The following CDK19 variants were observed in gnomAD, a reference collection of about 807,000 sequenced individuals.
CDK19 encodes cyclin dependent kinase 19, also known as cyclin-dependent kinase 19.
CDK19 carries 20 observed loss-of-function variants against 68.3 expected under a neutral mutation model. The ratio of observed to expected loss-of-function variants is 0.29; its 90% CI spans 0.21 to 0.43. The LOEUF (loss-of-function observed/expected upper bound fraction) is 0.43. Among genes scored for constraint, CDK19 ranks in the 20% least tolerant of loss-of-function variants. CDK19 has a pLI of 1.00. For synonymous variants in CDK19, 221 were observed against 222.8 expected (o/e 0.99, Z 0.07); for missense variants, 339 against 623.5 (o/e 0.54, Z 4.86).
intron 4 of CDK19, among the ~76,000 whole-genome samples, chr6:110,658,686 C>T (rs1439818298): frequency 1.3e-5 from 2 of 152,010 alleles, no homozygotes; most frequent in East Asian, 3.9e-4. Flanking sequence ...TAAATATAAA[C>T]AGGATAAAAC....
Position 110,812,812 on chromosome 6 carries a change from T to TAAAAAAA in CDK19, c.128+2190_128+2196dup, listed in dbSNP as rs66478846. Among the ~76,000 whole-genome samples, 169 of 101,594 alleles carry TAAAAAAA rather than the reference T, an allele frequency of 1.7e-3. 3 individuals carry two copies. The highest frequency in any genetic ancestry group is 2.1e-3 in the African/African-American group (59 of 28,714). 66.6% of individuals were successfully genotyped at this position (101,594 alleles called of 152,430 possible). On this transcript the variant is annotated intron_variant, in intron 1 of 12. Transcript: ENST00000368911. ...CAAATCTGCCCACTGTTTAAAACAGTAAAAAAAAAAAAAAAAAAAAATTTA... is the reference window on the plus strand; with the variant it reads ...CAAATCTGCCCACTGTTTAAAACAGTAAAAAAAAAAAAAAAAAAAAAAAAAAAATTTA...
intron 6 of CDK19, among the ~76,000 whole-genome samples, chr6:110,630,460 C>T (rs1482662356): frequency 6.6e-6 from 1 of 152,204 alleles, no homozygotes; most frequent in Non-Finnish European, 1.5e-5. Flanking sequence ...AGGGATATGA[C>T]TGTTTTCAAT....
rs531919890 is a variant in CDK19 at position 110,813,608 on chromosome 6, C to T, written c.128+1401G>A. The T allele has an allele frequency of 3.3e-5, 5 of 150,238 alleles. No individual in the cohort carries two copies. The East Asian group carries it at 6.0e-4, about 18-fold the overall frequency. The allele number at this position is 150,238 out of a possible 1,614,324, so 9.3% of individuals were successfully genotyped here. The stretch of plus-strand genomic sequence containing the variant: ...TGAGAAACAACTGAGTACCTTAAGG[C>T]CTGTTCAGTTACAAAAGAAAAAAAA... On this transcript the variant is annotated intron_variant, in intron 1 of 12. Coordinates refer to ENST00000368911, the MANE Select transcript of CDK19 (RefSeq NM_015076.5).
intron 1 of CDK19, among the ~76,000 whole-genome samples, chr6:110,751,453 C>T (rs1041363607): frequency 1.3e-5 from 2 of 152,082 alleles, no homozygotes; most frequent in African/African-American, 4.8e-5. Flanking sequence ...CCATCACCCC[C>T]AGATGGGACC....
At chr6:110,768,615 T>C (rs1216978275) in intron 1 of CDK19, among the ~76,000 whole-genome samples, 1 of 152,064 alleles carries the variant, frequency 6.6e-6, no homozygotes, top group Non-Finnish European at 1.5e-5. Context: ...TATTACAAAG[T>C]GCAAGAAGCC....
In CDK19 at chr6:110,670,480, CTG is replaced by C. The variant is rs1770900788; in HGVS notation, c.264_265del (p.His88GlnfsTer2). Reference sequence around the variant, plus strand: ...AAACAGCAGCCATACCTTCCTGTCACTGTGAGAAAGGAACACCTTCTGCAATG... The same window carrying C: ...AAACAGCAGCCATACCTTCCTGTCACTGAGAAAGGAACACCTTCTGCAATG... On this transcript the variant is annotated frameshift_variant, in exon 3 of 13. Transcript: ENST00000368911. LOFTEE classifies it high-confidence loss of function. 6.2e-7 allele frequency: 1 copy of C among 1,613,322 alleles called. No individual in the cohort carries two copies. The highest frequency in any genetic ancestry group is 1.3e-5 in the African/African-American group (1 of 74,898).
At chr6:110,761,540 T>G (rs1779231140) in intron 1 of CDK19, among the ~76,000 whole-genome samples, 1 of 152,162 alleles carries the variant, frequency 6.6e-6, no homozygotes, top group Non-Finnish European at 1.5e-5. Context: ...GGGCAAGTTT[T>G]AAATAAGTTG....
At chr6:110,769,338 G>T (rs953484458) in intron 1 of CDK19, among the ~76,000 whole-genome samples, 1 of 151,818 alleles carries the variant, frequency 6.6e-6, no homozygotes, top group African/African-American at 2.4e-5. Context: ...GCTGAGGCAG[G>T]TGGATCATCT....
intron 1 of CDK19, among the ~76,000 whole-genome samples, chr6:110,794,076 C>T (rs949914503): frequency 6.6e-6 from 1 of 152,090 alleles, no homozygotes. Context: ...GATGGAGTCT[C>T]GCTCTGTCAC....
chr6:110,684,121 A>G (rs1399869493), intron 2 of CDK19, among the ~76,000 whole-genome samples: 1 of 152,088 alleles, frequency 6.6e-6, no homozygotes, highest in Admixed American at 6.6e-5. Context: ...ACAAACTAAA[A>G]CAAAGAGTTT....
At chr6:110,785,740 G>A (rs970485709) in intron 1 of CDK19, among the ~76,000 whole-genome samples, 2 of 152,068 alleles carry the variant, frequency 1.3e-5, no homozygotes, top group African/African-American at 2.4e-5. Context: ...CAGTACTTTG[G>A]GAGGCCAAGG....
At chr6:110,743,192 CAT>C (rs1172752149) in intron 2 of CDK19, among the ~76,000 whole-genome samples, 4 of 152,162 alleles carry the variant, frequency 2.6e-5, no homozygotes, top group African/African-American at 4.8e-5. Context: ...ATGTATAAGA[CAT>C]ATGTGCACAG....
intron 4 of CDK19, among the ~76,000 whole-genome samples, chr6:110,660,421 C>T (rs1014350063): frequency 4.6e-5 from 7 of 152,132 alleles, no homozygotes; most frequent in Admixed American, 1.3e-4. Context: ...TTTAGCTTTG[C>T]CATCTGTAGA....
intron 1 of CDK19, among the ~76,000 whole-genome samples, chr6:110,766,436 G>A (rs1269580726): frequency 6.6e-6 from 1 of 151,966 alleles, no homozygotes; most frequent in Admixed American, 6.5e-5. Context: ...AAATTATCTG[G>A]GTGTGGTGGC....
At chr6:110,744,778 T>C (rs1364627449) in intron 2 of CDK19, among the ~76,000 whole-genome samples, 2 of 152,198 alleles carry the variant, frequency 1.3e-5, no homozygotes, top group African/African-American at 4.8e-5. Context: ...ATAGTTCCCT[T>C]ATTTAACAGA....
chr6:110,701,284 T>C (rs1773981975), intron 2 of CDK19, among the ~76,000 whole-genome samples: 1 of 151,452 alleles, frequency 6.6e-6, no homozygotes, highest in African/African-American at 2.4e-5. Flanking sequence ...GGCTCAAGCC[T>C]GTAATCCCAG....
Position 110,815,442 on chromosome 6 carries a change from C to T in CDK19, c.-306G>A, listed in dbSNP as rs1783566516. ...TGGAACCTGGTGGGCCGCGCCGTGGCTTCCTCGAGCTCATTAGCGAACTCA... is the reference window on the plus strand; with the variant it reads ...TGGAACCTGGTGGGCCGCGCCGTGGTTTCCTCGAGCTCATTAGCGAACTCA... On this transcript the variant is annotated 5_prime_UTR_variant, in exon 1 of 13. Transcript: ENST00000368911. The T allele has an allele frequency of 1.2e-5, 3 of 247,750 alleles. No individual in the cohort carries two copies. In the South Asian group the frequency reaches 3.3e-4, roughly 28 times the overall value. 15.3% of individuals were successfully genotyped at this position (247,750 alleles called of 1,614,324 possible).
intron 2 of CDK19, among the ~76,000 whole-genome samples, chr6:110,740,759 T>C (rs1204890452): frequency 1.3e-5 from 2 of 152,140 alleles, no homozygotes; most frequent in African/African-American, 2.4e-5. Context: ...TACAAAATAC[T>C]AGGCATTAGG....
intron 4 of CDK19, among the ~76,000 whole-genome samples, chr6:110,649,498 G>T (rs1342479203): frequency 6.6e-6 from 1 of 151,988 alleles, no homozygotes; most frequent in Non-Finnish European, 1.5e-5. Flanking sequence ...AATAATAAAA[G>T]AAAAGACTGA....
Sources: gnomAD v4.1 joint callset for allele counts (sites outside exome capture counted in the v4.1 genomes callset) on GRCh38, gnomAD v4.1.1 for gene constraint, MANE v1.5 for transcripts, NCBI Gene and HGNC (gene_info 2026-07-23, HGNC 2026-07-21) for gene names.